Variants in TGM1 observed in about 807,000 individuals in gnomAD.
The protein encoded by TGM1 is protein-glutamine gamma-glutamyltransferase K.
A neutral mutation model predicts 88.7 loss-of-function variants in TGM1; 63 were observed. That is an observed-to-expected ratio of 0.71 (90% CI 0.58 to 0.88). The LOEUF (loss-of-function observed/expected upper bound fraction) is 0.88, where lower values mean the gene tolerates loss of function less well. Among genes scored for constraint, TGM1 ranks in the 40% least tolerant of loss-of-function variants. The pLI, the probability that TGM1 is intolerant of heterozygous loss-of-function variation, is 0.00. For missense variants in TGM1, 996 were observed against 1,118.0 expected, an observed-to-expected ratio of 0.89 and a Z score of 1.56; for synonymous variants, 415 against 431.1, an observed-to-expected ratio of 0.96 and a Z score of 0.46.
At chr14:24,260,308 G>T in intron 4 of TGM1, 142 bp downstream of exon 4, 1 of 1,379,370 alleles carries the variant, frequency 7.2e-7, no homozygotes, top group Non-Finnish European at 9.9e-7. Context: ...TCTGCACCAG[G>T]CCTCGGTCCT....
chr14:24,254,957 G>C lies in TGM1; in HGVS notation c.1927+15C>G, dbSNP rs1219417969. 3 of 1,613,420 alleles carry C rather than the reference G, an allele frequency of 1.9e-6. No homozygotes were observed. The Admixed American group carries it at 5.0e-5, about 27-fold the overall frequency. On this transcript the variant is annotated intron_variant, in intron 12 of 14. Coordinates refer to ENST00000206765, the MANE Select transcript of TGM1 (RefSeq NM_000359.3). The stretch of plus-strand genomic sequence containing the variant: ...CCAGCCATCCAGGGGGCAGGGCTGG[G>C]TAAGGAGCACTTACAGGCCCCTGGT...
rs537245639 is a variant in TGM1 at position 24,257,814 on chromosome 14, A to G, written c.1402+471T>C. 2.0e-5 allele frequency among the ~76,000 whole-genome samples: 3 copies of G among 152,368 alleles called. No individual in the cohort carries two copies. In the South Asian group the frequency reaches 6.2e-4, roughly 32 times the overall value. ...TACTTTAAAAATATTTTTGAAAAAA[A>G]ACCCAAATACCTCCTGAGAGAGAAT... On this transcript the variant is annotated intron_variant, in intron 9 of 14. Coordinates refer to ENST00000206765, the MANE Select transcript of TGM1 (RefSeq NM_000359.3).
intron 14 of TGM1, among the ~76,000 whole-genome samples, chr14:24,250,314 C>CT (rs1170947371): frequency 1.2e-4 from 19 of 152,204 alleles, no homozygotes; most frequent in African/African-American, 3.4e-4. Flanking sequence ...CACTAGTCCT[C>CT]TAACGGGACT....
chr14:24,254,192 C>T lies in TGM1; in HGVS notation c.2185G>A (p.Glu729Lys), dbSNP rs745826502. The change falls in exon 14 of 15, where the codon GAA becomes AAA. Residue 729 changes from glutamate (E) to lysine (K), a missense_variant. By Grantham distance (56) the Glu-to-Lys change is moderately conservative. Transcript: ENST00000206765. Reference protein sequence around the residue: ...VTLTNVVFRLEGSGLQRPKIL... With the variant: ...VTLTNVVFRLKGSGLQRPKIL... Reference sequence around the variant, plus strand: ...TTGGGCCTCTGTAACCCAGAGCCTTCGAGCCGGAAGACGACATTGGTGAGG... The same window carrying T: ...TTGGGCCTCTGTAACCCAGAGCCTTTGAGCCGGAAGACGACATTGGTGAGG... The T allele has an allele frequency of 5.0e-6, 8 of 1,613,338 alleles. No homozygotes were observed. The highest frequency in any genetic ancestry group is 1.7e-5 in the Admixed American group (1 of 59,884).
rs111506664 is a variant in TGM1 at position 24,255,528 on chromosome 14, T to TG, written c.1492-12dup. ...CTTGTCACTATTCACCTGTGGGGGGTGGGGGTGAGCAGGAATGAGTGAGCC... is the reference window on the plus strand; with the variant it reads ...CTTGTCACTATTCACCTGTGGGGGGTGGGGGGTGAGCAGGAATGAGTGAGCC... On this transcript the variant is annotated splice_polypyrimidine_tract_variant and intron_variant, in intron 10 of 14. Transcript: ENST00000206765. This position sits in a 1 kb window ranked among gnomAD's most constrained non-coding sequence, Gnocchi z 4.0. The TG allele has an allele frequency of 4.9e-4, 794 of 1,611,828 alleles. 7 individuals are homozygous for TG. The African/African-American group carries it at 9.1e-3, about 19-fold the overall frequency.
chr14:24,250,179 T>TGTGTGTGAGAGAGAGAGAGA (rs138497842), intron 14 of TGM1, among the ~76,000 whole-genome samples: 1 of 140,700 alleles, frequency 7.1e-6, no homozygotes, highest in Admixed American at 7.0e-5. Flanking sequence ...TGTGTGTGTG[T>TGTGTGTGAGAGAGAGAGAGA]GAGAGAGACA....
At chr14:24,253,981 G>A in intron 14 of TGM1, 171 bp downstream of exon 14, 1 of 845,774 alleles carries the variant, frequency 1.2e-6, no homozygotes, top group South Asian at 1.5e-5. Flanking sequence ...CTCCCTAAAG[G>A]CTGGTGGGAC....
rs752838184 is a variant in TGM1, at chr14:24,259,922, T to C, written c.876+18A>G. The C allele has an allele frequency of 7.4e-6, 12 of 1,612,028 alleles. No individual in the cohort carries two copies. The highest frequency in any genetic ancestry group is 1.6e-4 in the Middle Eastern group (1 of 6,082). Reference sequence around the variant, plus strand: ...CAGCTCCTCTGGGTGTATGTGACCCTGGCCAGCCGCACCATACCTGGCCGT... The same window carrying C: ...CAGCTCCTCTGGGTGTATGTGACCCCGGCCAGCCGCACCATACCTGGCCGT... On this transcript the variant is annotated intron_variant, in intron 5 of 14. Coordinates refer to ENST00000206765, the MANE Select transcript of TGM1 (RefSeq NM_000359.3). This position sits in a 1 kb window ranked among gnomAD's most constrained non-coding sequence, Gnocchi z 5.7.
chr14:24,260,223 G>A, intron 4 of TGM1, 165 bp from the exon 5 acceptor site: 2 of 932,512 alleles, frequency 2.1e-6, no homozygotes, highest in Non-Finnish European at 3.4e-6. Flanking sequence ...ACAGATGGTG[G>A]AGGAGATTGG....
intron 9 of TGM1, among the ~76,000 whole-genome samples, chr14:24,256,992 G>T (rs530803091): frequency 5.3e-5 from 8 of 152,212 alleles, no homozygotes; most frequent in African/African-American, 1.9e-4. Context: ...CGAGGTGCTT[G>T]CCCAAGAGCA....
In TGM1 at chr14:24,255,877, T is replaced by C. The variant is rs1481038248; in HGVS notation, c.1491+112A>G. On this transcript the variant is annotated intron_variant, in intron 10 of 14. Transcript: ENST00000206765. The surrounding 1 kb of genome is among the most constrained non-coding windows in gnomAD (Gnocchi z 4.0). ...CCCTTTTACAGGTGAGGAAACTGACTTGTATAATGAGTGACTTGCCCCGGG... is the reference window on the plus strand; with the variant it reads ...CCCTTTTACAGGTGAGGAAACTGACCTGTATAATGAGTGACTTGCCCCGGG... 2 of 833,850 alleles carry C rather than the reference T, an allele frequency of 2.4e-6. No homozygotes were observed. The highest frequency in any genetic ancestry group is 3.8e-6 in the Non-Finnish European group (2 of 520,496). 51.7% of individuals were successfully genotyped at this position (833,850 alleles called of 1,614,324 possible). A position where few individuals can be genotyped will look rare whatever the true frequency, so the allele number is the denominator to read the frequency against.
intron 9 of TGM1, 66 bp downstream of exon 9, chr14:24,258,219 T>C: frequency 7.2e-7 from 1 of 1,393,816 alleles, no homozygotes; most frequent in Non-Finnish European, 1.0e-6. Flanking sequence ...ACTGACACTC[T>C]GGACTGTGTT....
Position 24,254,976 on chromosome 14 carries a change from C to T in TGM1, c.1923G>A (p.Gly641=), listed in dbSNP as rs764192689. 2.5e-6 allele frequency: 4 copies of T among 1,613,758 alleles called. No homozygotes were observed. In the South Asian group the frequency reaches 3.3e-5, roughly 13 times the overall value. The change falls in exon 12 of 15, where the codon GGG becomes GGA. Residue 641 remains glycine (G), a synonymous_variant. Transcript: ENST00000206765. The part of the protein sequence containing the change: ...ETKKEVELAP[G]ASDRVTMPVA... ...GGCTGGGTAAGGAGCACTTACAGGC[C>T]CCTGGTGCCAGCTCCACTTCCTTCT...
At chr14:24,258,799 G>C in intron 7 of TGM1, 126 bp from the exon 8 acceptor site, 3 of 1,390,930 alleles carry the variant, frequency 2.2e-6, no homozygotes, top group East Asian at 2.4e-5. Context: ...CAGGGTCAGG[G>C]CCACGGGGGC....
Position 24,258,343 on chromosome 14 carries a change from C to G in TGM1, c.1344G>C (p.Leu448=), listed in dbSNP as rs2855105. Residue 448 remains leucine, a synonymous_variant, in exon 9 of 15, where the codon CTG becomes CTC. Coordinates refer to ENST00000206765, the MANE Select transcript of TGM1 (RefSeq NM_000359.3). ...CCTGCCACCCATCAAAGCCCGAGGG[C>G]AGATCCGGCCTCTTCATCCAGCAGT... is the stretch of plus-strand genomic sequence containing the variant. ...WNDCWMKRPD[L]PSGFDGWQVV... is the part of the protein sequence containing the mutation. 6.2e-7 allele frequency: 1 copy of G among 1,614,106 alleles called. No individual in the cohort carries two copies.
At chr14:24,261,325 T>C (rs1426785525) in intron 3 of TGM1, among the ~76,000 whole-genome samples, 1 of 150,962 alleles carries the variant, frequency 6.6e-6, no homozygotes, top group Non-Finnish European at 1.5e-5. Flanking sequence ...TTGGCAGAGA[T>C]GGGGGACATG....
Position 24,259,041 on chromosome 14 carries a change from G to A in TGM1, c.1159+34C>T. ...GGCTTTCCTCCCTTCTCCCTGTAGGGCCCGGGCCACTCCTGTCCCAGTCCC... is the reference window on the plus strand; with the variant it reads ...GGCTTTCCTCCCTTCTCCCTGTAGGACCCGGGCCACTCCTGTCCCAGTCCC... On this transcript the variant is annotated intron_variant, in intron 7 of 14. Coordinates refer to ENST00000206765, the MANE Select transcript of TGM1 (RefSeq NM_000359.3). The surrounding 1 kb of genome is among the most constrained non-coding windows in gnomAD (Gnocchi z 5.7). 1.3e-5 allele frequency: 21 copies of A among 1,612,088 alleles called. No individual in the cohort carries two copies. The highest frequency in any genetic ancestry group is 1.8e-5 in the Non-Finnish European group (21 of 1,179,250).
At chr14:24,261,907 A>C (rs1275112536) in intron 2 of TGM1, 24 bp from the exon 3 acceptor site, 1 of 1,612,210 alleles carries the variant, frequency 6.2e-7, no homozygotes, top group Admixed American at 1.7e-5. Context: ...GCTCCGTGTC[A>C]GTGAAGCCCC....
Position 24,261,794 on chromosome 14 carries a change from CGTACTCATACTCGTCTGT to C in TGM1, c.391_408del (p.Thr131_Tyr136del), listed in dbSNP as rs1286023795. 1 of 1,614,100 alleles carries C rather than the reference CGTACTCATACTCGTCTGT, an allele frequency of 6.2e-7. No individual in the cohort carries two copies. Among genetic ancestry groups the C allele is most frequent in the Non-Finnish European group, 8.5e-7 (1 of 1,180,018 alleles). ...TGCCCGCGGCGCACTATCAGCTCGT[CGTACTCATACTCGTCTGT>C]GTGGTGCTCTCGGCGGTTCTGGTCC... On this transcript the variant is annotated inframe_deletion, in exon 3 of 15. Transcript: ENST00000206765.
Sources: allele counts gnomAD v4.1 joint callset (sites outside exome capture counted in the v4.1 genomes callset), GRCh38; gene constraint gnomAD v4.1.1; non-coding constraint Gnocchi (gnomAD v3.1); transcripts MANE v1.5; gene names NCBI Gene and HGNC (gene_info 2026-07-23, HGNC 2026-07-21).